The following SBF2 variants were observed in gnomAD, a reference collection of about 807,000 sequenced individuals.
SBF2 encodes the protein SET binding factor 2.
Under a neutral mutation model 225.2 loss-of-function variants are expected in SBF2, and 112 were observed. The observed-to-expected ratio is 0.50, with a 90% CI of 0.43 to 0.58. The LOEUF is 0.58. SBF2 is among the 20% of genes least tolerant of loss of function. The pLI is 0.00. For synonymous variants in SBF2, 763 were observed against 773.3 expected, an observed-to-expected ratio of 0.99 and a Z score of 0.22; for missense variants, 1,996 against 2,206.2, an observed-to-expected ratio of 0.90 and a Z score of 1.91.
chr11:9,892,273 C>T (rs1000687040), intron 17 of SBF2, among the ~76,000 whole-genome samples: 15 of 152,076 alleles, frequency 9.9e-5, no homozygotes, highest in African/African-American at 3.6e-4. Flanking sequence ...CACACTCCAC[C>T]ATGGCTGGCT....
At chr11:10,170,738 T>C (rs979071585) in intron 2 of SBF2, among the ~76,000 whole-genome samples, 1 of 152,094 alleles carries the variant, frequency 6.6e-6, no homozygotes, top group Admixed American at 6.5e-5. Flanking sequence ...TTGCTTTAGG[T>C]AGTATAAACA....
intron 1 of SBF2, among the ~76,000 whole-genome samples, chr11:10,301,980 G>A (rs1964602854): frequency 6.6e-6 from 1 of 152,158 alleles, no homozygotes; most frequent in Admixed American, 6.5e-5. Flanking sequence ...TCATTAACAA[G>A]GATTTTTTTT....
intron 2 of SBF2, among the ~76,000 whole-genome samples, chr11:10,109,164 A>G (rs971596621): frequency 6.6e-6 from 1 of 151,352 alleles, no homozygotes; most frequent in South Asian, 2.1e-4. Context: ...TTTCTATTCC[A>G]CAGAAAGTTC....
At chr11:9,919,617 A>G (rs1392996477) in intron 16 of SBF2, among the ~76,000 whole-genome samples, 1 of 152,104 alleles carries the variant, frequency 6.6e-6, no homozygotes, top group African/African-American at 2.4e-5. Context: ...TTTCTATACA[A>G]TGTCTGGAAT....
rs1212073975 is a variant in SBF2, at chr11:10,133,581, GCTGCCTGGCTGCTC to G, written c.141+60307_141+60320del. On this transcript the variant is annotated intron_variant, in intron 2 of 39. Transcript: ENST00000256190. ...TCCCCCATTGCCCAGGGCCAGCAGG[GCTGCCTGGCTGCTC>G]CGAGTGCGGGGCCCACCAAGCCCAC... Among the ~76,000 whole-genome samples, 20 of 139,114 alleles carry G rather than the reference GCTGCCTGGCTGCTC, an allele frequency of 1.4e-4. 1 individual carries two copies. The highest frequency in any genetic ancestry group is 8.8e-4 in the East Asian group (4 of 4,540). The allele number at this position is 139,114 out of a possible 152,430, so 91.3% of individuals were successfully genotyped here.
chr11:10,006,707 C>T (rs1948207620), intron 6 of SBF2, among the ~76,000 whole-genome samples: 1 of 152,166 alleles, frequency 6.6e-6, no homozygotes, highest in Admixed American at 6.5e-5. Context: ...ATGATTATTC[C>T]TCTGGCTTCC....
intron 2 of SBF2, among the ~76,000 whole-genome samples, chr11:10,161,803 C>CAAAA (rs199788037): frequency 2.4e-4 from 33 of 139,784 alleles, no homozygotes; most frequent in South Asian, 1.4e-3. Flanking sequence ...TCCTTCTCTA[C>CAAAA]AAAAAAAAAA....
At chr11:9,873,559 T>C (rs996110714) in intron 17 of SBF2, among the ~76,000 whole-genome samples, 2 of 152,270 alleles carry the variant, frequency 1.3e-5, no homozygotes, top group Non-Finnish European at 2.9e-5. Context: ...GAAACCCACA[T>C]AGGCAGACAT....
At chr11:10,028,803 T>C (rs138259443) in intron 5 of SBF2, among the ~76,000 whole-genome samples, 109 of 152,204 alleles carry the variant, frequency 7.2e-4, no homozygotes, top group Non-Finnish European at 1.3e-3. Flanking sequence ...TTGATAATCA[T>C]AACTGGCTAA....
chr11:10,225,838 C>T (rs1267537754), intron 1 of SBF2, among the ~76,000 whole-genome samples: 1 of 152,136 alleles, frequency 6.6e-6, no homozygotes, highest in African/African-American at 2.4e-5. Flanking sequence ...ATGCCCACAG[C>T]TGATGAGATC....
At chr11:10,110,413 T>G (rs1952782404) in intron 2 of SBF2, among the ~76,000 whole-genome samples, 1 of 152,196 alleles carries the variant, frequency 6.6e-6, no homozygotes. Flanking sequence ...AAACAATTTT[T>G]GCTTTCACAT....
intron 1 of SBF2, among the ~76,000 whole-genome samples, chr11:10,209,711 C>T (rs1427026257): frequency 6.6e-6 from 1 of 152,124 alleles, no homozygotes; most frequent in Non-Finnish European, 1.5e-5. Context: ...CATTCTCTAT[C>T]TCAGAGAATG....
chr11:10,246,120 C>T (rs1274925150), intron 1 of SBF2, among the ~76,000 whole-genome samples: 4 of 152,196 alleles, frequency 2.6e-5, no homozygotes, highest in South Asian at 2.1e-4. Flanking sequence ...CTAGATCTTA[C>T]GTTGTGTTCT....
intron 1 of SBF2, among the ~76,000 whole-genome samples, chr11:10,255,661 CT>C (rs1481961876): frequency 3.9e-5 from 6 of 152,144 alleles, no homozygotes; most frequent in Non-Finnish European, 7.4e-5. Context: ...CTTTTTCTAA[CT>C]TTTTCACATT....
chr11:9,924,631 G>A (rs752759664), intron 16 of SBF2, among the ~76,000 whole-genome samples: 2 of 151,986 alleles, frequency 1.3e-5, no homozygotes, highest in Admixed American at 6.6e-5. Flanking sequence ...GAGGTTTCAC[G>A]ATGCTGGCCA....
intron 1 of SBF2, among the ~76,000 whole-genome samples, chr11:10,215,306 TA>T (rs1421877789): frequency 6.6e-6 from 1 of 152,236 alleles, no homozygotes; most frequent in Non-Finnish European, 1.5e-5. Flanking sequence ...TTCTGAAAGC[TA>T]TGTTTTTCAC....
chr11:10,188,611 T>C (rs1053273775), intron 2 of SBF2, among the ~76,000 whole-genome samples: 1 of 152,216 alleles, frequency 6.6e-6, no homozygotes, highest in Non-Finnish European at 1.5e-5. Context: ...CTAGTTCTAG[T>C]ACAGGATAAA....
intron 6 of SBF2, among the ~76,000 whole-genome samples, chr11:10,006,264 A>G (rs1016950995): frequency 6.6e-6 from 1 of 152,184 alleles, no homozygotes; most frequent in Non-Finnish European, 1.5e-5. Flanking sequence ...AGCAGCAAAA[A>G]CATGGGCTCC....
At chr11:9,784,109 C>G (rs925251857) in intron 38 of SBF2, among the ~76,000 whole-genome samples, 1 of 152,098 alleles carries the variant, frequency 6.6e-6, no homozygotes, top group African/African-American at 2.4e-5. Flanking sequence ...ATGCTCTGGG[C>G]TCAATTGTTG....
Sources: gnomAD v4.1 joint callset for allele counts (sites outside exome capture counted in the v4.1 genomes callset) on GRCh38, gnomAD v4.1.1 for gene constraint, MANE v1.5 for transcripts, NCBI Gene and HGNC (gene_info 2026-07-23, HGNC 2026-07-21) for gene names.